Variants in WRAP73 observed in about 807,000 individuals in gnomAD.
WRAP73 encodes WD repeat containing, antisense to TP73.
In WRAP73, 55 loss-of-function variants were observed where a neutral mutation model predicts 59.6. That is an observed-to-expected ratio of 0.92 (90% CI 0.74 to 1.15). The LOEUF (loss-of-function observed/expected upper bound fraction) is 1.15. WRAP73 is among the 50% of genes most tolerant of loss of function. The probability of loss-of-function intolerance (pLI) is 0.00; values close to 1 mark genes in which losing one functional copy is unlikely to be tolerated. For synonymous variants in WRAP73, 265 were observed against 258.2 expected (o/e 1.03, Z -0.25); for missense variants, 592 against 608.1 (o/e 0.97, Z 0.28).
intron 1 of WRAP73, among the ~76,000 whole-genome samples, chr1:3,648,902 AT>A (rs1217280509): frequency 6.6e-6 from 1 of 152,204 alleles, no homozygotes; most frequent in African/African-American, 2.4e-5. Flanking sequence ...ATTTTATGTG[AT>A]TTGGAATAAA....
At position 3,646,401 on chromosome 1, in the gene WRAP73, C is replaced by A. The variant is rs1437785062; in HGVS notation, c.339+265G>T. ...GCAATTATAAACAGTATATTGTTAT[C>A]CTTGTTCTATACTATGATTGTTGCT... On this transcript the variant is annotated intron_variant, in intron 3 of 11. Transcript: ENST00000270708. This position sits in a 1 kb window ranked among gnomAD's most constrained non-coding sequence, Gnocchi z 5.1. Among the ~76,000 whole-genome samples, 1 of 152,196 alleles carries A rather than the reference C, an allele frequency of 6.6e-6. No homozygotes were observed. The highest frequency in any genetic ancestry group is 1.5e-5 in the Non-Finnish European group (1 of 68,036).
rs1399645608 is a variant in WRAP73, at chr1:3,638,741, T to G, written c.412+9A>C. On this transcript the variant is annotated intron_variant, in intron 4 of 11. Transcript: ENST00000270708. Reference sequence around the variant, plus strand: ...AGAAATGGCTTTTGCGTGGCTCCGATCGACTCACCCTGCAGACAAGCTTTC... The same window carrying G: ...AGAAATGGCTTTTGCGTGGCTCCGAGCGACTCACCCTGCAGACAAGCTTTC... 2.5e-6 allele frequency: 4 copies of G among 1,613,886 alleles called. No individual in the cohort carries two copies. The highest frequency in any genetic ancestry group is 1.7e-6 in the Non-Finnish European group (2 of 1,179,984).
At chr1:3,635,124 G>A (rs543507197) in intron 7 of WRAP73, 36 bp downstream of exon 7, 23 of 1,614,140 alleles carry the variant, frequency 1.4e-5, no homozygotes, top group South Asian at 7.7e-5. Context: ...CCCGCTGGGC[G>A]GTCGGACTTC....
chr1:3,649,851 C>T (rs982043419), intron 1 of WRAP73, 80 bp downstream of exon 1: 1 of 1,484,676 alleles, frequency 6.7e-7, no homozygotes, highest in Non-Finnish European at 9.0e-7. Context: ...CCTCCACCCA[C>T]GCGGCCGCCC....
chr1:3,631,541 CCAGCCGCGGCTG>C lies in WRAP73; in HGVS notation c.1153_1164del (p.Gln385_Leu388del). Reference sequence around the variant, plus strand: ...AGCCTGCTGCCTCCCGTGCAGATGGCCAGCCGCGGCTGCTGCGGGTCCCACTGAAATGCGCGC... The same window carrying C: ...AGCCTGCTGCCTCCCGTGCAGATGGCCTGCGGGTCCCACTGAAATGCGCGC... On this transcript the variant is annotated inframe_deletion, in exon 11 of 12. Transcript: ENST00000270708. The C allele has an allele frequency of 6.2e-7, 1 of 1,610,684 alleles. No homozygotes were observed. The highest frequency in any genetic ancestry group is 8.5e-7 in the Non-Finnish European group (1 of 1,179,238).
chr1:3,630,820 AC>A lies in WRAP73; in HGVS notation c.*154del. 1.1e-6 allele frequency: 1 copy of A among 911,226 alleles called. No individual in the cohort carries two copies. The highest frequency in any genetic ancestry group is 1.7e-5 in the South Asian group (1 of 59,220). 56.4% of individuals were successfully genotyped at this position (911,226 alleles called of 1,614,324 possible). A position where few individuals can be genotyped will look rare whatever the true frequency, so the allele number is the denominator to read the frequency against. ...TTAAATAATAAAACTACAGTTTTAT[AC>A]CATACATATTTACAAAAATGCTTTG... On this transcript the variant is annotated 3_prime_UTR_variant, in exon 12 of 12. Coordinates refer to ENST00000270708, the MANE Select transcript of WRAP73 (RefSeq NM_017818.4).
intron 9 of WRAP73, 84 bp downstream of exon 9, chr1:3,633,314 A>C: frequency 7.5e-7 from 1 of 1,336,838 alleles, no homozygotes; most frequent in Non-Finnish European, 1.1e-6. Context: ...TTTTTTAAAC[A>C]TAAGGAACAT....
intron 3 of WRAP73, among the ~76,000 whole-genome samples, chr1:3,640,893 G>A (rs954380158): frequency 1.3e-5 from 2 of 152,228 alleles, no homozygotes; most frequent in African/African-American, 2.4e-5. Flanking sequence ...CTGTGGCCCT[G>A]CATCCCTGTG....
At chr1:3,633,266 C>T in intron 9 of WRAP73, 132 bp downstream of exon 9, 1 of 827,992 alleles carries the variant, frequency 1.2e-6, no homozygotes, top group Non-Finnish European at 2.0e-6. Context: ...GGCTGAGGGG[C>T]ACACTGGCTG....
Position 3,643,181 on chromosome 1 carries a change from A to G in WRAP73, c.339+3485T>C, listed in dbSNP as rs1300873438. On this transcript the variant is annotated intron_variant, in intron 3 of 11. Coordinates refer to ENST00000270708, the MANE Select transcript of WRAP73 (RefSeq NM_017818.4). ...GCCTGTCAACACGGAGGAGTCTAAA[A>G]GCAGTGACGGGGAACAGCAACAGCA... Among the ~76,000 whole-genome samples, 3 of 152,360 alleles carry G rather than the reference A, an allele frequency of 2.0e-5. No individual in the cohort carries two copies. The East Asian group carries it at 5.8e-4, about 29-fold the overall frequency.
intron 9 of WRAP73, chr1:3,632,625 T>C (rs926918981): frequency 3.3e-5 from 15 of 455,336 alleles, no homozygotes; most frequent in Middle Eastern, 1.3e-3. Flanking sequence ...CATGGACAGG[T>C]CCTAGCTGCA....
rs1557453162 is a variant in WRAP73 at position 3,631,886 on chromosome 1, T to TG, written c.1049-230_1049-229insC. 1.7e-5 allele frequency: 18 copies of TG among 1,088,074 alleles called. No individual in the cohort carries two copies. The African/African-American group carries it at 2.4e-4, about 15-fold the overall frequency. 67.4% of individuals were successfully genotyped at this position (1,088,074 alleles called of 1,614,324 possible). A position where few individuals can be genotyped will look rare whatever the true frequency, so the allele number is the denominator to read the frequency against. On this transcript the variant is annotated intron_variant, in intron 10 of 11. Transcript: ENST00000270708. Reference sequence around the variant, plus strand: ...CCCAAATGTGTTTCTTTCTTTGGTATTTTTTTTTTTTTTTTAGCCCTTTAC... The same window carrying TG: ...CCCAAATGTGTTTCTTTCTTTGGTATGTTTTTTTTTTTTTTTAGCCCTTTAC...
In WRAP73 at chr1:3,647,514, A is replaced by G; in HGVS notation, c.116T>C (p.Leu39Pro). 1 of 1,613,990 alleles carries G rather than the reference A, an allele frequency of 6.2e-7. No individual in the cohort carries two copies. Among genetic ancestry groups the G allele is most frequent in the African/African-American group, 1.3e-5 (1 of 75,038 alleles). ...GCACGTGTACAGCTGAAGGATCTGA[A>G]GGGTGTTCACATCCCGGACCACTAA... ...YRLVVRDVNT[L>P]QILQLYTCLD... is the part of the protein sequence containing the mutation. Residue 39 changes from leucine (L) to proline (P), a missense_variant, in exon 2 of 12, where the codon CTT (leucine) becomes CCT (proline). Leu to Pro is a moderately conservative substitution (Grantham distance 98). Transcript: ENST00000270708.
chr1:3,631,950 G>A, intron 10 of WRAP73: 6 of 1,397,994 alleles, frequency 4.3e-6, no homozygotes, highest in South Asian at 1.6e-5. Flanking sequence ...GCTGCAGTGT[G>A]CCCAGCCCTG....
Position 3,639,251 on chromosome 1 carries a change from G to A in WRAP73, c.340-429C>T, listed in dbSNP as rs1359713741. 5.4e-6 allele frequency: 1 copy of A among 186,200 alleles called. No individual in the cohort carries two copies. The highest frequency in any genetic ancestry group is 6.1e-5 in the Admixed American group (1 of 16,452). 11.5% of individuals were successfully genotyped at this position (186,200 alleles called of 1,614,324 possible). A position where few individuals can be genotyped will look rare whatever the true frequency, so the allele number is the denominator to read the frequency against. On this transcript the variant is annotated intron_variant, in intron 3 of 11. Coordinates refer to ENST00000270708, the MANE Select transcript of WRAP73 (RefSeq NM_017818.4). This position sits in a 1 kb window ranked among gnomAD's most constrained non-coding sequence, Gnocchi z 4.3. ...ACTCCGGGACTCACCAGGGGGCTGT[G>A]AGCCTGCATCTGCAGCCCTGAGGCA...
In WRAP73 at chr1:3,630,994, T is replaced by A. The variant is rs146569819; in HGVS notation, c.1364A>T (p.Gln455Leu). ...TEAVVGTACRQLGGHT is the reference protein window; with the variant it reads ...TEAVVGTACRLLGGHT ...CCGCTGCTACGTGTGGCCGCCCAGC[T>A]GTCTGCAGGCTGTGCCGACCACTGC... is the stretch of plus-strand genomic sequence containing the variant. The change falls in exon 12 of 12, where the codon CAG becomes CTG. Residue 455 changes from glutamine (Q) to leucine (L), a missense_variant. Physicochemically the swap from Gln to Leu is moderately radical, Grantham distance 113. Coordinates refer to ENST00000270708, the MANE Select transcript of WRAP73 (RefSeq NM_017818.4). The A allele has an allele frequency of 3.1e-5, 50 of 1,612,950 alleles. No individual in the cohort carries two copies. The African/African-American group carries it at 6.1e-4, about 20-fold the overall frequency.
intron 3 of WRAP73, 144 bp from the exon 4 acceptor site, chr1:3,638,966 C>T (rs901287166): frequency 1.3e-6 from 1 of 761,150 alleles, no homozygotes. Flanking sequence ...TGCCTGCCCT[C>T]CTACCGGAAT....
In WRAP73 at chr1:3,635,928, C is replaced by G. The variant is rs1644584948; in HGVS notation, c.603+16G>C. On this transcript the variant is annotated intron_variant, in intron 6 of 11. Transcript: ENST00000270708. ...AAGCTCTCGAAAGCAAACATGTCAC[C>G]TGGTCATCTTCATACCTCCAAGCAG... The G allele has an allele frequency of 6.2e-7, 1 of 1,610,228 alleles. No individual in the cohort carries two copies. Among genetic ancestry groups the G allele is most frequent in the African/African-American group, 1.3e-5 (1 of 74,824 alleles).
chr1:3,635,338 G>C, intron 6 of WRAP73, 44 bp from the exon 7 acceptor site: 3 of 1,608,884 alleles, frequency 1.9e-6, no homozygotes, highest in Non-Finnish European at 1.7e-6. Flanking sequence ...CACCCCCGTC[G>C]CCAGGAACAC....
Sources: gnomAD v4.1 joint callset for allele counts (sites outside exome capture counted in the v4.1 genomes callset) on GRCh38, gnomAD v4.1.1 for gene constraint, Gnocchi (gnomAD v3.1) non-coding constraint, MANE v1.5 for transcripts, NCBI Gene and HGNC (gene_info 2026-07-23, HGNC 2026-07-21) for gene names.